CACNB4: variants seen among roughly 807,000 people sequenced by gnomAD.
CACNB4 encodes calcium voltage-gated channel auxiliary subunit beta 4.
Under a neutral mutation model 71.2 loss-of-function variants are expected in CACNB4, and 32 were observed. The ratio of observed to expected loss-of-function variants is 0.45; its 90% CI spans 0.34 to 0.60. The LOEUF (loss-of-function observed/expected upper bound fraction) is 0.60, where lower values mean the gene tolerates loss of function less well. CACNB4 is among the 20% of genes least tolerant of loss of function. The probability of loss-of-function intolerance (pLI) is 0.01; values close to 1 mark genes in which losing one functional copy is unlikely to be tolerated. For missense variants in CACNB4, 464 were observed against 647.9 expected (o/e 0.72, Z 3.08); for synonymous variants, 231 against 236.9 (o/e 0.97, Z 0.23).
intron 2 of CACNB4, among the ~76,000 whole-genome samples, chr2:151,918,750 T>C (rs1368290211): frequency 1.3e-5 from 2 of 152,194 alleles, no homozygotes; most frequent in Non-Finnish European, 2.9e-5. Flanking sequence ...ATCAAACCTA[T>C]ATCTGCATTG....
intron 2 of CACNB4, among the ~76,000 whole-genome samples, chr2:151,941,547 G>C (rs1006819726): frequency 1.3e-5 from 2 of 151,756 alleles, no homozygotes; most frequent in Admixed American, 1.3e-4. Context: ...CTCCCAAAGT[G>C]CTGGGATTAC....
intron 2 of CACNB4, among the ~76,000 whole-genome samples, chr2:152,047,350 TAG>T (rs759872428): frequency 3.3e-5 from 5 of 152,192 alleles, no homozygotes; most frequent in Non-Finnish European, 7.3e-5. Flanking sequence ...CTGAGGGGCC[TAG>T]AGAGAGTTAT....
intron 2 of CACNB4, among the ~76,000 whole-genome samples, chr2:152,018,606 C>G (rs1378946983): frequency 6.6e-6 from 1 of 152,016 alleles, no homozygotes; most frequent in Non-Finnish European, 1.5e-5. Flanking sequence ...AGTTCGAGAC[C>G]AGCCCTGGCA....
Position 152,098,815 on chromosome 2 carries a change from G to A in CACNB4, c.63+134C>T, listed in dbSNP as rs906324221. Reference sequence around the variant, plus strand: ...GGAGAAAGGGACGTGGAGGAGGGGTGGGGGGAGCGGGGCCGCCGACTCCCG... The same window carrying A: ...GGAGAAAGGGACGTGGAGGAGGGGTAGGGGGAGCGGGGCCGCCGACTCCCG... On this transcript the variant is annotated intron_variant, in intron 1 of 13. Transcript: ENST00000539935. This position sits in a 1 kb window ranked among gnomAD's most constrained non-coding sequence, Gnocchi z 5.3. 6 of 985,642 alleles carry A rather than the reference G, an allele frequency of 6.1e-6. No homozygotes were observed. Among genetic ancestry groups the A allele is most frequent in the Non-Finnish European group, 8.9e-6 (6 of 674,806 alleles). 61.1% of individuals were successfully genotyped at this position (985,642 alleles called of 1,614,324 possible).
chr2:151,860,390 A>G, intron 10 of CACNB4: 1 of 354,286 alleles, frequency 2.8e-6, no homozygotes, highest in Non-Finnish European at 5.1e-6. Flanking sequence ...GGTATGACAG[A>G]TATCATTAGC....
At chr2:151,874,596 T>C (rs745654542) in intron 5 of CACNB4, among the ~76,000 whole-genome samples, 2 of 152,208 alleles carry the variant, frequency 1.3e-5, no homozygotes, top group Non-Finnish European at 2.9e-5. Context: ...ACTATACTTT[T>C]GTGATCTCCT....
chr2:152,063,821 G>A (rs187848730), intron 2 of CACNB4, among the ~76,000 whole-genome samples: 34 of 152,272 alleles, frequency 2.2e-4, no homozygotes, highest in Admixed American at 3.9e-4. Context: ...TGTCTTCCTA[G>A]AAGAATGAAA....
At chr2:151,935,724 GC>G (rs752675423) in intron 2 of CACNB4, among the ~76,000 whole-genome samples, 2 of 152,148 alleles carry the variant, frequency 1.3e-5, no homozygotes, top group African/African-American at 2.4e-5. Context: ...ATCAAAACAT[GC>G]AATGTCAATA....
chr2:152,062,047 AATG>A (rs1171210463), intron 2 of CACNB4, among the ~76,000 whole-genome samples: 6 of 147,464 alleles, frequency 4.1e-5, no homozygotes, highest in African/African-American at 1.5e-4. Flanking sequence ...TAATAATAAT[AATG>A]ATTAGGAATG....
chr2:152,065,130 G>A (rs1207850283), intron 2 of CACNB4, among the ~76,000 whole-genome samples: 2 of 152,000 alleles, frequency 1.3e-5, no homozygotes, highest in Non-Finnish European at 2.9e-5. Context: ...TTTAAGAGAA[G>A]TTAGCACTTT....
chr2:151,876,051 A>G (rs530814140), intron 5 of CACNB4, among the ~76,000 whole-genome samples: 6 of 152,042 alleles, frequency 3.9e-5, no homozygotes, highest in African/African-American at 1.4e-4. Context: ...GGGCGATACC[A>G]TCACATTTTG....
intron 5 of CACNB4, among the ~76,000 whole-genome samples, chr2:151,875,244 C>T (rs938834772): frequency 1.4e-5 from 2 of 148,002 alleles, no homozygotes; most frequent in African/African-American, 5.0e-5. Flanking sequence ...GCACATCTTG[C>T]ACCGCCCTTA....
intron 2 of CACNB4, among the ~76,000 whole-genome samples, chr2:152,066,451 T>G (rs62175109): frequency 2.0e-5 from 3 of 151,788 alleles, no homozygotes; most frequent in Non-Finnish European, 4.4e-5. Flanking sequence ...GAGATACCAT[T>G]TCACACCAGT....
chr2:151,956,919 GT>G (rs2099868420), intron 2 of CACNB4, among the ~76,000 whole-genome samples: 1 of 152,192 alleles, frequency 6.6e-6, no homozygotes, highest in Non-Finnish European at 1.5e-5. Context: ...GACCAAGGCG[GT>G]GGATCACCTG....
At chr2:151,929,238 A>C (rs1246474029) in intron 2 of CACNB4, among the ~76,000 whole-genome samples, 5 of 152,172 alleles carry the variant, frequency 3.3e-5, no homozygotes, top group African/African-American at 4.8e-5. Context: ...AACTTCCAAA[A>C]AAAAAAAATC....
At chr2:151,940,726 G>A (rs781252790) in intron 2 of CACNB4, among the ~76,000 whole-genome samples, 2 of 152,188 alleles carry the variant, frequency 1.3e-5, no homozygotes, top group African/African-American at 4.8e-5. Context: ...GGAGGGTTAT[G>A]TGATATTAAC....
chr2:151,928,284 A>T (rs970704496), intron 2 of CACNB4, among the ~76,000 whole-genome samples: 4 of 152,202 alleles, frequency 2.6e-5, no homozygotes, highest in Admixed American at 1.3e-4. Flanking sequence ...GACCAGTTTG[A>T]TGCTCCCTTT....
At chr2:151,976,487 TAAA>T (rs764826204) in intron 2 of CACNB4, among the ~76,000 whole-genome samples, 1 of 152,146 alleles carries the variant, frequency 6.6e-6, no homozygotes, top group African/African-American at 2.4e-5. Flanking sequence ...CCTTCCATTC[TAAA>T]AAATTATCCC....
chr2:151,880,787 G>A lies in CACNB4; in HGVS notation c.390+13C>T, dbSNP rs1578611216. On this transcript the variant is annotated intron_variant, in intron 4 of 13. Coordinates refer to ENST00000539935, the MANE Select transcript of CACNB4 (RefSeq NM_000726.5). ...TTTGGCAGGTGAAGGGATGCAGTATGTTCTACATTTACCTCTTTAATATGT... is the reference window on the plus strand; with the variant it reads ...TTTGGCAGGTGAAGGGATGCAGTATATTCTACATTTACCTCTTTAATATGT... 2 of 1,606,500 alleles carry A rather than the reference G, an allele frequency of 1.2e-6. No individual in the cohort carries two copies. Among genetic ancestry groups the A allele is most frequent in the Middle Eastern group, 1.7e-4 (1 of 5,898 alleles).
Sources: allele counts gnomAD v4.1 joint callset (sites outside exome capture counted in the v4.1 genomes callset), GRCh38; gene constraint gnomAD v4.1.1; non-coding constraint Gnocchi (gnomAD v3.1); transcripts MANE v1.5; gene names NCBI Gene and HGNC (gene_info 2026-07-23, HGNC 2026-07-21).